PPP2R3B: variants seen among roughly 807,000 people sequenced by gnomAD.
The protein encoded by PPP2R3B is serine/threonine-protein phosphatase 2A regulatory subunit B'' subunit beta.
PPP2R3B carries 68 observed loss-of-function variants against 72.9 expected under a neutral mutation model. That is an observed-to-expected ratio of 0.93 (90% CI 0.77 to 1.14). The LOEUF (loss-of-function observed/expected upper bound fraction) is 1.14. Ranked by LOEUF, PPP2R3B falls within the 50% of genes most tolerant of loss-of-function variation. PPP2R3B has a pLI of 0.00. For synonymous variants in PPP2R3B, 466 were observed against 375.8 expected, an observed-to-expected ratio of 1.24 and a Z score of -2.78; for missense variants, 1,018 against 842.0, an observed-to-expected ratio of 1.21 and a Z score of -2.59.
chrX:345,274 C>G (rs949172025), intron 7 of PPP2R3B: 22 of 699,446 alleles, frequency 3.1e-5, no homozygotes, highest in Non-Finnish European at 5.4e-5. Context: ...GCGGCCCACA[C>G]TGACCCTGTA....
chrX:381,021 G>C (rs1390543224), intron 1 of PPP2R3B, among the ~76,000 whole-genome samples: 1 of 150,666 alleles, frequency 6.6e-6, no homozygotes, highest in Non-Finnish European at 1.5e-5. Flanking sequence ...CTGCAGCCTC[G>C]AACTCCTGGG....
In PPP2R3B at chrX:341,393, G is replaced by A. The variant is rs1274052891; in HGVS notation, c.1089C>T (p.Gly363=). The A allele has an allele frequency of 5.0e-6, 8 of 1,612,578 alleles. No individual in the cohort carries two copies. The highest frequency in any genetic ancestry group is 1.1e-5 in the South Asian group (1 of 91,080). Reference sequence around the variant, plus strand: ...TCTTCCCTTCCTTCTGCACTTTTCTGCCTCTAGATCGAAAGCCAGGATGGA... The same window carrying A: ...TCTTCCCTTCCTTCTGCACTTTTCTACCTCTAGATCGAAAGCCAGGATGGA... ...DRIFSGAVTR[G]RKVQKEGKIS... is the part of the protein sequence containing the mutation. Residue 363 remains glycine, a synonymous_variant, in exon 9 of 13, where the codon GGC becomes GGT. Transcript: ENST00000390665.
intron 1 of PPP2R3B, among the ~76,000 whole-genome samples, chrX:371,531 G>A (rs186313550): frequency 1.3e-5 from 2 of 150,330 alleles, no homozygotes; most frequent in Non-Finnish European, 1.5e-5. Context: ...ACGTCGCACA[G>A]TCAGAAGATC....
chrX:353,361 A>T (rs1176520319), intron 2 of PPP2R3B, among the ~76,000 whole-genome samples: 1 of 151,246 alleles, frequency 6.6e-6, no homozygotes, highest in African/African-American at 2.5e-5. Flanking sequence ...GTGACAGAGC[A>T]AGACTCTGTC....
chrX:352,537 G>A (rs1381351704), intron 2 of PPP2R3B, among the ~76,000 whole-genome samples: 1 of 151,696 alleles, frequency 6.6e-6, no homozygotes, highest in Non-Finnish European at 1.5e-5. Context: ...TGGATCGTCT[G>A]CCCACCTTGC....
chrX:357,967 CG>C (rs1163731179), intron 2 of PPP2R3B, among the ~76,000 whole-genome samples: 2 of 152,200 alleles, frequency 1.3e-5, no homozygotes, highest in African/African-American at 4.8e-5. Context: ...CTAAGATCCA[CG>C]GGGGGACCCC....
intron 1 of PPP2R3B, among the ~76,000 whole-genome samples, chrX:364,210 C>G (rs759213597): frequency 1.1e-4 from 17 of 152,186 alleles, no homozygotes; most frequent in South Asian, 2.1e-4. Flanking sequence ...AGAATGAGCT[C>G]CAAGTAAATC....
intron 2 of PPP2R3B, among the ~76,000 whole-genome samples, chrX:353,782 CGGGGCTCACCCAAAGACT>C (rs1180602701): frequency 4.7e-5 from 7 of 149,322 alleles, no homozygotes; most frequent in South Asian, 4.2e-4. Flanking sequence ...ACCCAAAGAC[CGGGGCTCACCCAAAGACT>C]GGGGCTCACC....
chrX:347,837 C>G, intron 2 of PPP2R3B, 144 bp from the exon 3 acceptor site: 1 of 604,346 alleles, frequency 1.7e-6, no homozygotes. Flanking sequence ...GTCTGGGCAT[C>G]TGCAAACTCA....
Position 346,238 on chromosome X carries a change from G to T in PPP2R3B, c.815C>A (p.Ala272Asp). ...ITTVIQRIFY[A>D]VNRSWSGRIT... Reference sequence around the variant, plus strand: ...CCTGCCGGACCAGGACCGGTTCACGGCGTAGAAGATCCGCTGGATGACCTG... The same window carrying T: ...CCTGCCGGACCAGGACCGGTTCACGTCGTAGAAGATCCGCTGGATGACCTG... The change falls in exon 6 of 13, where the codon GCC (alanine) becomes GAC (aspartate). Residue 272 changes from alanine to aspartate, a missense_variant. Coordinates refer to ENST00000390665, the MANE Select transcript of PPP2R3B (RefSeq NM_013239.5). The T allele has an allele frequency of 6.4e-7, 1 of 1,571,964 alleles. No individual in the cohort carries two copies. The highest frequency in any genetic ancestry group is 8.6e-7 in the Non-Finnish European group (1 of 1,160,400).
At chrX:350,645 A>C (rs2071311001) in intron 2 of PPP2R3B, among the ~76,000 whole-genome samples, 2 of 152,218 alleles carry the variant, frequency 1.3e-5, no homozygotes, top group Admixed American at 1.3e-4. Flanking sequence ...CAGGGCATGG[A>C]GAGGTGGCAA....
At chrX:353,698 A>C (rs2071375030) in intron 2 of PPP2R3B, among the ~76,000 whole-genome samples, 1 of 152,212 alleles carries the variant, frequency 6.6e-6, no homozygotes, top group Non-Finnish European at 1.5e-5. Flanking sequence ...TGGACCCAAC[A>C]CATAGGAGAA....
chrX:348,844 A>T (rs975871048), intron 2 of PPP2R3B, among the ~76,000 whole-genome samples: 2 of 152,012 alleles, frequency 1.3e-5, no homozygotes, highest in Non-Finnish European at 2.9e-5. Context: ...ACATTGAAGG[A>T]AGAAATCACA....
At chrX:364,346 C>G (rs1246335792) in intron 1 of PPP2R3B, among the ~76,000 whole-genome samples, 2 of 151,854 alleles carry the variant, frequency 1.3e-5, no homozygotes, top group African/African-American at 2.4e-5. Flanking sequence ...TGCAGGTTTG[C>G]AAACCAAACT....
At chrX:385,574 A>G (rs1380214230) in intron 1 of PPP2R3B, among the ~76,000 whole-genome samples, 1 of 152,094 alleles carries the variant, frequency 6.6e-6, no homozygotes, top group African/African-American at 2.4e-5. Flanking sequence ...GCTTGGACCC[A>G]GGAATTCCAG....
intron 7 of PPP2R3B, 42 bp from the exon 8 acceptor site, chrX:341,973 C>T (rs775541536): frequency 4.4e-5 from 71 of 1,609,284 alleles, no homozygotes; most frequent in East Asian, 1.1e-4. Flanking sequence ...CACCGTGCCT[C>T]GGCCCCGACG....
rs187005477 is a variant in PPP2R3B at position 360,360 on chromosome X, C to T, written c.510+1045G>A. Among the ~76,000 whole-genome samples, 175 of 152,270 alleles carry T rather than the reference C, an allele frequency of 1.1e-3. 1 individual carries two copies. The highest frequency in any genetic ancestry group is 4.0e-3 in the African/African-American group (168 of 41,556). Reference sequence around the variant, plus strand: ...ACCAGCCTGGCCAATATGGTGAAACCCCATGTCTACTAAAAATATAAAAAT... The same window carrying T: ...ACCAGCCTGGCCAATATGGTGAAACTCCATGTCTACTAAAAATATAAAAAT... On this transcript the variant is annotated intron_variant, in intron 2 of 12. Transcript: ENST00000390665.
At chrX:353,042 C>T (rs1325711748) in intron 2 of PPP2R3B, among the ~76,000 whole-genome samples, 2 of 151,760 alleles carry the variant, frequency 1.3e-5, no homozygotes, top group African/African-American at 4.8e-5. Context: ...TTGCTGGTCT[C>T]GTAATCCTGA....
chrX:346,619 G>T, intron 5 of PPP2R3B, 82 bp downstream of exon 5: 2 of 1,363,680 alleles, frequency 1.5e-6, no homozygotes, highest in Non-Finnish European at 2.0e-6. Flanking sequence ...CGCCCGCCCC[G>T]TCCGCAGAAG....
Sources: gnomAD v4.1 joint callset for allele counts (sites outside exome capture counted in the v4.1 genomes callset) on GRCh38, gnomAD v4.1.1 for gene constraint, MANE v1.5 for transcripts, NCBI Gene and HGNC (gene_info 2026-07-23, HGNC 2026-07-21) for gene names.